Variants in MED12L observed in about 807,000 individuals in gnomAD.
MED12L encodes mediator complex subunit 12L.
Under a neutral mutation model 281.3 loss-of-function variants are expected in MED12L, and 60 were observed. The observed-to-expected ratio is 0.21, with a 90% CI of 0.17 to 0.26. The LOEUF (loss-of-function observed/expected upper bound fraction) is 0.26. Among genes scored for constraint, MED12L ranks in the 10% least tolerant of loss-of-function variants. The pLI, the probability that MED12L is intolerant of heterozygous loss-of-function variation, is 1.00. For missense variants in MED12L, 2,146 were observed against 2,680.9 expected (o/e 0.80, Z 4.41); for synonymous variants, 974 against 987.2 (o/e 0.99, Z 0.25).
chr3:151,284,388 C>A (rs1222275655), intron 16 of MED12L, among the ~76,000 whole-genome samples: 6 of 151,606 alleles, frequency 4.0e-5, no homozygotes, highest in Non-Finnish European at 7.4e-5. Context: ...ATTTTTAGTT[C>A]TGGGTTGTGG....
Position 151,344,463 on chromosome 3 carries a change from T to C in MED12L, c.2251-5596T>C, listed in dbSNP as rs560823233. Among the ~76,000 whole-genome samples, 13 of 152,280 alleles carry C rather than the reference T, an allele frequency of 8.5e-5. No homozygotes were observed. The South Asian group carries it at 2.7e-3, about 32-fold the overall frequency. ...AGCATGGTATATTGAAAGATACAGC[T>C]GAAAGAAATAGTGTTTTAAGGCATC... is the stretch of plus-strand genomic sequence containing the variant. On this transcript the variant is annotated intron_variant, in intron 16 of 44. Coordinates refer to ENST00000687756, the MANE Select transcript of MED12L (RefSeq NM_001393769.1).
intron 16 of MED12L, among the ~76,000 whole-genome samples, chr3:151,301,781 C>A (rs757990186): frequency 2.0e-4 from 31 of 152,156 alleles, no homozygotes; most frequent in Non-Finnish European, 4.1e-4. Context: ...GAAAACAGGA[C>A]CCCTTATACA....
chr3:151,381,997 C>CT (rs1009907958), intron 32 of MED12L, among the ~76,000 whole-genome samples: 4 of 151,450 alleles, frequency 2.6e-5, no homozygotes, highest in East Asian at 1.9e-4. Context: ...TTGAATTGCA[C>CT]TTTTTTTTTG....
At chr3:151,198,989 AT>A in intron 16 of MED12L, 7 of 1,613,902 alleles carry the variant, frequency 4.3e-6, no homozygotes, top group Non-Finnish European at 5.9e-6. Flanking sequence ...GGTTGATATC[AT>A]TTTGGCAAAT....
At chr3:151,229,037 G>C (rs1731087628) in intron 16 of MED12L, among the ~76,000 whole-genome samples, 1 of 152,202 alleles carries the variant, frequency 6.6e-6, no homozygotes. Context: ...AAATTTCCAT[G>C]TGTGAGAAAA....
chr3:151,179,615 A>G (rs551182452), intron 11 of MED12L, among the ~76,000 whole-genome samples: 1 of 152,324 alleles, frequency 6.6e-6, no homozygotes, highest in Admixed American at 6.5e-5. Context: ...TGGAAGAAGG[A>G]AAGCATGGTG....
intron 16 of MED12L, among the ~76,000 whole-genome samples, chr3:151,303,250 C>T (rs988120032): frequency 1.3e-5 from 2 of 152,090 alleles, no homozygotes; most frequent in Admixed American, 1.3e-4. Flanking sequence ...ATGTAGGACC[C>T]ATGAAAGGAC....
At chr3:151,293,982 A>C in intron 16 of MED12L, 1 of 559,562 alleles carries the variant, frequency 1.8e-6, no homozygotes, top group Non-Finnish European at 3.2e-6. Flanking sequence ...CCTGCCATTC[A>C]CCCATACGCT....
intron 16 of MED12L, among the ~76,000 whole-genome samples, chr3:151,286,522 G>A (rs1183561344): frequency 6.6e-6 from 1 of 152,160 alleles, no homozygotes; most frequent in African/African-American, 2.4e-5. Flanking sequence ...AGAGATTTTT[G>A]TTAAATAGCT....
In MED12L at chr3:151,436,157, T is replaced by G. The variant is rs1005919618; in HGVS notation, c.*3353T>G. ...TTTTTGTATTCCCCATCAATGAAAA[T>G]TTTCAGTGTGAACAAATGGTGAATC... On this transcript the variant is annotated 3_prime_UTR_variant, in exon 45 of 45. Transcript: ENST00000687756. The G allele has an allele frequency of 6.6e-6, 1 of 152,244 alleles. No homozygotes were observed. The highest frequency in any genetic ancestry group is 1.5e-5 in the Non-Finnish European group (1 of 68,092). The allele number at this position is 152,244 out of a possible 1,614,324, so 9.4% of individuals were successfully genotyped here. A position where few individuals can be genotyped will look rare whatever the true frequency, so the allele number is the denominator to read the frequency against.
At chr3:151,234,899 C>T (rs1299050380) in intron 16 of MED12L, among the ~76,000 whole-genome samples, 1 of 152,156 alleles carries the variant, frequency 6.6e-6, no homozygotes, top group African/African-American at 2.4e-5. Flanking sequence ...ACTCTTTTAC[C>T]TATAATAAGA....
chr3:151,364,958 C>T (rs1553796450), intron 21 of MED12L, 21 bp from the exon 22 acceptor site: 1 of 1,559,870 alleles, frequency 6.4e-7, no homozygotes, highest in Non-Finnish European at 8.8e-7. Flanking sequence ...TCTGTTTTAA[C>T]TTTTTTTCTT....
At chr3:151,378,205 G>T in intron 31 of MED12L, 32 bp downstream of exon 31, 1 of 1,553,882 alleles carries the variant, frequency 6.4e-7, no homozygotes, top group Non-Finnish European at 8.7e-7. Context: ...CTGTGTGAGA[G>T]TTTAAAGAAT....
At chr3:151,115,924 G>A (rs539692723) in intron 2 of MED12L, among the ~76,000 whole-genome samples, 1 of 151,598 alleles carries the variant, frequency 6.6e-6, no homozygotes, top group Non-Finnish European at 1.5e-5. Flanking sequence ...CGGGCATCGT[G>A]GCAGGCGACT....
intron 2 of MED12L, among the ~76,000 whole-genome samples, chr3:151,109,168 C>T (rs1197200404): frequency 6.6e-6 from 1 of 152,014 alleles, no homozygotes; most frequent in Non-Finnish European, 1.5e-5. Context: ...AGTGATTCTC[C>T]TGCCTCCCGA....
At chr3:151,277,120 A>G (rs1314401126) in intron 16 of MED12L, among the ~76,000 whole-genome samples, 1 of 151,534 alleles carries the variant, frequency 6.6e-6, no homozygotes, top group African/African-American at 2.4e-5. Flanking sequence ...GCTGGTCTTG[A>G]ACTCCTGACC....
At chr3:151,422,597 C>T (rs1718378048) in intron 43 of MED12L, among the ~76,000 whole-genome samples, 1 of 152,160 alleles carries the variant, frequency 6.6e-6, no homozygotes, top group African/African-American at 2.4e-5. Context: ...GTTTAGGTCC[C>T]ATCCTAATTA....
Position 151,336,881 on chromosome 3 carries a change from A to G in MED12L, c.2251-13178A>G, listed in dbSNP as rs1751064968. ...TTAATGTAAATTTTGTATTTTATAC[A>G]CACCAATACAAACAAGTAATTACAA... On this transcript the variant is annotated intron_variant, in intron 16 of 44. Transcript: ENST00000687756. 1.7e-5 allele frequency: 3 copies of G among 175,520 alleles called. No homozygotes were observed. The Admixed American group carries it at 1.8e-4, about 11-fold the overall frequency. The allele number at this position is 175,520 out of a possible 1,614,324, so 10.9% of individuals were successfully genotyped here. A position where few individuals can be genotyped will look rare whatever the true frequency, so the allele number is the denominator to read the frequency against.
At chr3:151,363,636 A>G (rs929199065) in intron 21 of MED12L, among the ~76,000 whole-genome samples, 3 of 152,196 alleles carry the variant, frequency 2.0e-5, no homozygotes, top group African/African-American at 7.2e-5. Flanking sequence ...TAAGTTGTCT[A>G]CACAGAAAGA....
Sources: allele counts gnomAD v4.1 joint callset (sites outside exome capture counted in the v4.1 genomes callset), GRCh38; gene constraint gnomAD v4.1.1; transcripts MANE v1.5; gene names NCBI Gene and HGNC (gene_info 2026-07-23, HGNC 2026-07-21).